Variants in LRRC4C observed in about 807,000 individuals in gnomAD.
The protein encoded by LRRC4C is leucine-rich repeat-containing protein 4C.
In LRRC4C, 5 loss-of-function variants were observed where a neutral mutation model predicts 33.6. The ratio of observed to expected loss-of-function variants is 0.15; its 90% CI spans 0.08 to 0.31. LRRC4C has a LOEUF of 0.31. Among genes scored for constraint, LRRC4C ranks in the 10% least tolerant of loss-of-function variants. The pLI, the probability that LRRC4C is intolerant of heterozygous loss-of-function variation, is 1.00. For synonymous variants in LRRC4C, 329 were observed against 302.0 expected (o/e 1.09, Z -0.93); for missense variants, 560 against 796.7 (o/e 0.70, Z 3.58).
rs146812741 is a variant in LRRC4C, at chr11:40,176,869, A to G, written c.-95-36016T>C. Reference sequence around the variant, plus strand: ...TTCCACTTTTAAAATTGCTCTTTTTATAACTTATAATTTATTATTTAATGT... The same window carrying G: ...TTCCACTTTTAAAATTGCTCTTTTTGTAACTTATAATTTATTATTTAATGT... On this transcript the variant is annotated intron_variant, in intron 5 of 6. Coordinates refer to ENST00000528697, the MANE Select transcript of LRRC4C (RefSeq NM_001258419.2). Among the ~76,000 whole-genome samples, 348 of 150,116 alleles carry G rather than the reference A, an allele frequency of 2.3e-3. 2 individuals are homozygous for G. Among genetic ancestry groups the G allele is most frequent in the African/African-American group, 7.9e-3 (322 of 40,876 alleles).
intron 3 of LRRC4C, among the ~76,000 whole-genome samples, chr11:40,331,017 T>C (rs930616000): frequency 1.3e-5 from 2 of 152,180 alleles, no homozygotes; most frequent in African/African-American, 4.8e-5. Context: ...TCATCTACTC[T>C]CTACTGCTAC....
Position 40,608,199 on chromosome 11 carries a change from G to A in LRRC4C, c.-270+39943C>T, listed in dbSNP as rs186765933. 5.4e-4 allele frequency among the ~76,000 whole-genome samples: 82 copies of A among 152,098 alleles called. No individual in the cohort carries two copies. In the East Asian group the frequency reaches 7.2e-3, roughly 13 times the overall value. On this transcript the variant is annotated intron_variant, in intron 3 of 6. Coordinates refer to ENST00000528697, the MANE Select transcript of LRRC4C (RefSeq NM_001258419.2). ...CACATTAATTCTAACTATAAAATAC[G>A]TTAATAAATAACTATATTCAAAGCT...
chr11:40,802,625 T>C (rs1417076160), intron 2 of LRRC4C, among the ~76,000 whole-genome samples: 2 of 152,144 alleles, frequency 1.3e-5, no homozygotes, highest in East Asian at 1.9e-4. Flanking sequence ...CTTGCATGTA[T>C]TGAACATTGT....
chr11:41,112,758 T>C (rs2135711691), intron 1 of LRRC4C, among the ~76,000 whole-genome samples: 1 of 152,194 alleles, frequency 6.6e-6, no homozygotes. Flanking sequence ...ACAGATTTAT[T>C]TTTCAAATCT....
chr11:41,064,288 G>A (rs1938035065), intron 1 of LRRC4C, among the ~76,000 whole-genome samples: 1 of 152,066 alleles, frequency 6.6e-6, no homozygotes, highest in Admixed American at 6.5e-5. Context: ...CCATTATAAT[G>A]GCTTAGTTTA....
chr11:40,805,991 G>A (rs115020629), intron 2 of LRRC4C, among the ~76,000 whole-genome samples: 1 of 152,170 alleles, frequency 6.6e-6, no homozygotes, highest in African/African-American at 2.4e-5. Context: ...GTCCTACAAA[G>A]GAATTTAATT....
At chr11:40,226,627 G>A (rs1864818492) in intron 5 of LRRC4C, among the ~76,000 whole-genome samples, 1 of 152,108 alleles carries the variant, frequency 6.6e-6, no homozygotes, top group South Asian at 2.1e-4. Flanking sequence ...TCAATAGTGA[G>A]GCCATCTTAC....
chr11:40,122,144 C>T (rs1287309337), intron 6 of LRRC4C, among the ~76,000 whole-genome samples: 1 of 152,162 alleles, frequency 6.6e-6, no homozygotes, highest in East Asian at 1.9e-4. Flanking sequence ...ACTCACCTTG[C>T]TGTTTTCTTC....
In LRRC4C at chr11:40,147,629, T is replaced by C. The variant is rs142536709; in HGVS notation, c.-95-6776A>G. Reference sequence around the variant, plus strand: ...TTCATGGGGCTTACTTTTTGTAGGTTAGACAGATAATAAATAATTAAAAAA... The same window carrying C: ...TTCATGGGGCTTACTTTTTGTAGGTCAGACAGATAATAAATAATTAAAAAA... On this transcript the variant is annotated intron_variant, in intron 5 of 6. Coordinates refer to ENST00000528697, the MANE Select transcript of LRRC4C (RefSeq NM_001258419.2). 3.7e-3 allele frequency among the ~76,000 whole-genome samples: 556 copies of C among 152,188 alleles called. 6 individuals carry two copies. Among genetic ancestry groups the C allele is most frequent in the African/African-American group, 0.012 (513 of 41,528 alleles).
At chr11:40,904,148 T>G (rs1956322508) in intron 2 of LRRC4C, among the ~76,000 whole-genome samples, 1 of 152,156 alleles carries the variant, frequency 6.6e-6, no homozygotes, top group African/African-American at 2.4e-5. Context: ...TGTTTTTGTA[T>G]TTCAACCAGG....
At chr11:40,768,503 T>C (rs1402345799) in intron 2 of LRRC4C, among the ~76,000 whole-genome samples, 1 of 152,072 alleles carries the variant, frequency 6.6e-6, no homozygotes, top group Non-Finnish European at 1.5e-5. Flanking sequence ...ATGACCATTA[T>C]TACACTGATA....
chr11:40,529,075 G>A (rs1956172447), intron 3 of LRRC4C, among the ~76,000 whole-genome samples: 1 of 152,090 alleles, frequency 6.6e-6, no homozygotes, highest in Admixed American at 6.6e-5. Context: ...GCAGTATCAT[G>A]TTGATAGTCA....
chr11:40,154,416 A>G (rs2135155850), intron 5 of LRRC4C, among the ~76,000 whole-genome samples: 1 of 152,276 alleles, frequency 6.6e-6, no homozygotes, highest in Non-Finnish European at 1.5e-5. Flanking sequence ...AAGATACAGA[A>G]CTGCAGAATG....
At chr11:40,956,446 G>T (rs913516049) in intron 1 of LRRC4C, among the ~76,000 whole-genome samples, 6 of 151,612 alleles carry the variant, frequency 4.0e-5, no homozygotes, top group Non-Finnish European at 8.9e-5. Context: ...GAAATACTGG[G>T]CACTGTTTAG....
chr11:40,604,656 T>C (rs959964264), intron 3 of LRRC4C, among the ~76,000 whole-genome samples: 1 of 152,144 alleles, frequency 6.6e-6, no homozygotes, highest in Non-Finnish European at 1.5e-5. Flanking sequence ...AATTAAAGTA[T>C]GTTTTATGGT....
At chr11:41,175,710 A>C (rs577524214) in intron 1 of LRRC4C, among the ~76,000 whole-genome samples, 94 of 152,334 alleles carry the variant, frequency 6.2e-4, no homozygotes, top group Middle Eastern at 3.4e-3. Context: ...ACAGCTTTGT[A>C]TTACTGTAGC....
chr11:40,374,585 C>A (rs1948586999), intron 3 of LRRC4C, among the ~76,000 whole-genome samples: 1 of 152,100 alleles, frequency 6.6e-6, no homozygotes, highest in Non-Finnish European at 1.5e-5. Flanking sequence ...GAATTCTTAT[C>A]AGATTTTTTC....
chr11:40,309,017 C>G (rs1945174026), intron 4 of LRRC4C, among the ~76,000 whole-genome samples: 1 of 152,216 alleles, frequency 6.6e-6, no homozygotes. Flanking sequence ...CTCACTTCCA[C>G]TCCTTCTGAG....
Position 40,473,807 on chromosome 11 carries a change from A to G in LRRC4C, c.-269-154086T>C, listed in dbSNP as rs1486345701. On this transcript the variant is annotated intron_variant, in intron 3 of 6. Coordinates refer to ENST00000528697, the MANE Select transcript of LRRC4C (RefSeq NM_001258419.2). ...AATCACAAGCATTCCTCTACACCATAATAGACAAACAGAGAGCCAAATCAT... is the reference window on the plus strand; with the variant it reads ...AATCACAAGCATTCCTCTACACCATGATAGACAAACAGAGAGCCAAATCAT... Among the ~76,000 whole-genome samples the G allele has an allele frequency of 2.6e-5, 4 of 152,284 alleles. No homozygotes were observed. The East Asian group carries it at 7.7e-4, about 29-fold the overall frequency.
Sources: allele counts gnomAD v4.1 joint callset (sites outside exome capture counted in the v4.1 genomes callset), GRCh38; gene constraint gnomAD v4.1.1; transcripts MANE v1.5; gene names NCBI Gene and HGNC (gene_info 2026-07-23, HGNC 2026-07-21).